The following E2F5 variants were observed in gnomAD, a reference collection of about 807,000 sequenced individuals.
E2F5 encodes the protein E2F transcription factor 5.
A neutral mutation model predicts 39.1 loss-of-function variants in E2F5; 23 were observed. The ratio of observed to expected loss-of-function variants is 0.59; its 90% CI spans 0.42 to 0.83. E2F5 has a LOEUF of 0.83. E2F5 is among the 40% of genes least tolerant of loss of function. The pLI is 0.00. For missense variants in E2F5, 365 were observed against 406.7 expected (o/e 0.90, Z 0.88); for synonymous variants, 145 against 157.8 (o/e 0.92, Z 0.61).
At chr8:85,181,478 C>G (rs1394819174) in intron 1 of E2F5, among the ~76,000 whole-genome samples, 14 of 150,398 alleles carry the variant, frequency 9.3e-5, no homozygotes, top group African/African-American at 3.4e-4. Context: ...CTACAGGCGC[C>G]CGCCACCACG....
chr8:85,193,344 C>T (rs1008787175), intron 1 of E2F5, among the ~76,000 whole-genome samples: 9 of 151,868 alleles, frequency 5.9e-5, no homozygotes, highest in Admixed American at 4.6e-4. Context: ...ATTAGCTGGG[C>T]CTGGTGGTGG....
intron 7 of E2F5, chr8:85,213,372 T>G (rs2129777335): frequency 6.5e-6 from 1 of 154,944 alleles, no homozygotes; most frequent in East Asian, 1.9e-4. Context: ...AAACCCCATC[T>G]CTATAAAAAA....
chr8:85,180,492 C>T (rs1554682007), intron 1 of E2F5, among the ~76,000 whole-genome samples: 1 of 124,886 alleles, frequency 8.0e-6, no homozygotes, highest in South Asian at 2.6e-4. Flanking sequence ...GACTTTTAAA[C>T]GCAGTTAAAG....
In E2F5 at chr8:85,209,231, A is replaced by C; in HGVS notation, c.705A>C (p.Ser235=). 2 of 1,614,018 alleles carry C rather than the reference A, an allele frequency of 1.2e-6. No individual in the cohort carries two copies. Among genetic ancestry groups the C allele is most frequent in the Admixed American group, 3.3e-5 (2 of 60,028 alleles). The change falls in exon 6 of 8, where the codon TCA becomes TCC. Residue 235 remains serine, a synonymous_variant. Transcript: ENST00000416274. ...HVLLINKESS[S]SKPVVFPVPP... is the part of the protein sequence containing the mutation. Reference sequence around the variant, plus strand: ...TGCTTATAAATAAAGAGTCGAGTTCATCTAAGCCCGTGGTTTTTCCTGTTC... The same window carrying C: ...TGCTTATAAATAAAGAGTCGAGTTCCTCTAAGCCCGTGGTTTTTCCTGTTC...
chr8:85,201,875 T>C (rs1176236591), intron 1 of E2F5: 4 of 433,196 alleles, frequency 9.2e-6, no homozygotes, highest in Non-Finnish European at 1.6e-5. Context: ...TGACACAAAG[T>C]ATTCTTATTG....
In E2F5 at chr8:85,203,246, T is replaced by C. The variant is rs1812731046; in HGVS notation, c.497T>C (p.Ile166Thr). The change falls in exon 3 of 8, where the codon ATT (isoleucine) becomes ACT (threonine). Residue 166 changes from isoleucine (I) to threonine (T), a missense_variant. Ile to Thr is a moderately conservative substitution (Grantham distance 89). Transcript: ENST00000416274. ...ATCAAAAATGTGATGGACGATTCCA[T>C]TAATAATAGATATCCTTTTAAATAA... ...QSIKNVMDDS[I>T]NNRFSYVTHE... 5 of 1,592,980 alleles carry C rather than the reference T, an allele frequency of 3.1e-6. No homozygotes were observed. The highest frequency in any genetic ancestry group is 1.3e-5 in the African/African-American group (1 of 74,232).
intron 1 of E2F5, among the ~76,000 whole-genome samples, chr8:85,179,174 C>A (rs1278354086): frequency 6.6e-6 from 1 of 152,202 alleles, no homozygotes; most frequent in Admixed American, 6.5e-5. Flanking sequence ...AGGAATGTTA[C>A]AAAGCACAGG....
rs11991103 is a variant in E2F5 at position 85,207,986 on chromosome 8, T to A, written c.615+497T>A. 5.3e-3 allele frequency among the ~76,000 whole-genome samples: 813 copies of A among 152,310 alleles called. 9 individuals are homozygous for A. The highest frequency in any genetic ancestry group is 0.018 in the African/African-American group (763 of 41,558). On this transcript the variant is annotated intron_variant, in intron 5 of 7. Coordinates refer to ENST00000416274, the MANE Select transcript of E2F5 (RefSeq NM_001951.4). ...TTTGAATTTTTTAAGTTAGAGGATG[T>A]CAAGAAATGACTAATCATATGGCCA...
chr8:85,207,533 C>T, intron 5 of E2F5, 44 bp downstream of exon 5: 1 of 1,459,822 alleles, frequency 6.9e-7, no homozygotes, highest in Non-Finnish European at 9.3e-7. Flanking sequence ...AAAAATGAAT[C>T]TACTGTCTCA....
intron 3 of E2F5, among the ~76,000 whole-genome samples, chr8:85,203,697 C>G (rs890109553): frequency 1.3e-5 from 2 of 151,516 alleles, no homozygotes; most frequent in African/African-American, 2.4e-5. Flanking sequence ...CACAATCAAT[C>G]CTTGATACTT....
intron 1 of E2F5, among the ~76,000 whole-genome samples, chr8:85,194,933 T>C (rs1487492637): frequency 6.6e-6 from 1 of 152,104 alleles, no homozygotes; most frequent in Non-Finnish European, 1.5e-5. Flanking sequence ...TCAAATATTA[T>C]ATTCATTTAA....
intron 6 of E2F5, among the ~76,000 whole-genome samples, chr8:85,209,623 T>G (rs1000602150): frequency 1.3e-5 from 2 of 152,214 alleles, no homozygotes; most frequent in Admixed American, 1.3e-4. Flanking sequence ...ATAGCCTGAA[T>G]ATAATTTTAT....
intron 1 of E2F5, among the ~76,000 whole-genome samples, chr8:85,188,501 G>T (rs1006896635): frequency 6.6e-6 from 1 of 152,226 alleles, no homozygotes; most frequent in African/African-American, 2.4e-5. Flanking sequence ...TCAGCACTTT[G>T]AGCACTGAGG....
intron 3 of E2F5, among the ~76,000 whole-genome samples, chr8:85,204,806 G>A (rs1007548109): frequency 6.6e-6 from 1 of 152,174 alleles, no homozygotes; most frequent in African/African-American, 2.4e-5. Flanking sequence ...TACACCCCAG[G>A]TGGCAATATT....
intron 1 of E2F5, chr8:85,200,432 A>C (rs1026837086): frequency 2.7e-5 from 12 of 447,888 alleles, no homozygotes; most frequent in Non-Finnish European, 3.5e-5. Context: ...ATAAATATAA[A>C]TGATAAACAA....
At chr8:85,208,177 AATTAGCCGGG>A (rs552030829) in intron 5 of E2F5, among the ~76,000 whole-genome samples, 102 of 152,304 alleles carry the variant, frequency 6.7e-4, no homozygotes, top group African/African-American at 2.4e-3. Context: ...AAAAATACAA[AATTAGCCGGG>A]CATGGTGGTG....
intron 1 of E2F5, among the ~76,000 whole-genome samples, chr8:85,179,852 G>A (rs1391192190): frequency 1.3e-5 from 2 of 151,986 alleles, no homozygotes; most frequent in Non-Finnish European, 2.9e-5. Context: ...AGTAGAGACA[G>A]GGTTTCACTG....
chr8:85,186,749 T>C (rs1461997797), intron 1 of E2F5, among the ~76,000 whole-genome samples: 1 of 147,758 alleles, frequency 6.8e-6, no homozygotes. Context: ...GGTATATATA[T>C]GGTATATATA....
At chr8:85,198,699 C>T (rs1812631181) in intron 1 of E2F5, among the ~76,000 whole-genome samples, 1 of 152,210 alleles carries the variant, frequency 6.6e-6, no homozygotes, top group South Asian at 2.1e-4. Flanking sequence ...TTTCCTGGAC[C>T]TTAAACTTCC....
Sources: gnomAD v4.1 joint callset for allele counts (sites outside exome capture counted in the v4.1 genomes callset) on GRCh38, gnomAD v4.1.1 for gene constraint, MANE v1.5 for transcripts, NCBI Gene and HGNC (gene_info 2026-07-23, HGNC 2026-07-21) for gene names.